Variants in IL1RAP observed in about 807,000 individuals in gnomAD.
The protein encoded by IL1RAP is interleukin-1 receptor accessory protein.
Under a neutral mutation model 60.7 loss-of-function variants are expected in IL1RAP, and 35 were observed. The ratio of observed to expected loss-of-function variants is 0.58; its 90% CI spans 0.44 to 0.76. The LOEUF (loss-of-function observed/expected upper bound fraction) is 0.76, where lower values mean the gene tolerates loss of function less well. Among genes scored for constraint, IL1RAP ranks in the 30% least tolerant of loss-of-function variants. The pLI, the probability that IL1RAP is intolerant of heterozygous loss-of-function variation, is 0.00. For synonymous variants in IL1RAP, 268 were observed against 250.9 expected (o/e 1.07, Z -0.64); for missense variants, 572 against 693.9 (o/e 0.82, Z 1.97).
intron 1 of IL1RAP, chr3:190,518,454 A>G (rs1054478249): frequency 6.6e-5 from 10 of 152,204 alleles, no homozygotes; most frequent in Admixed American, 5.2e-4. Context: ...TGTGCTGAGT[A>G]TCTTAAATAT....
At chr3:190,637,480 A>G (rs1269144735) in intron 9 of IL1RAP, among the ~76,000 whole-genome samples, 1 of 152,098 alleles carries the variant, frequency 6.6e-6, no homozygotes, top group Admixed American at 6.5e-5. Context: ...TCACATGTCT[A>G]TTCATTCTTC....
In IL1RAP at chr3:190,650,096, G is replaced by GTATGTA. The variant is rs1734307371; in HGVS notation, c.*1396_*1401dup. ...ATATATAATTTGTGTGTGTGTATGT[G>GTATGTA]TATGTATATGACTTTAAATAGCTAT... On this transcript the variant is annotated 3_prime_UTR_variant, in exon 12 of 12. Transcript: ENST00000447382. 8 of 875,192 alleles carry GTATGTA rather than the reference G, an allele frequency of 9.1e-6. No homozygotes were observed. The highest frequency in any genetic ancestry group is 1.1e-5 in the Non-Finnish European group (8 of 730,448). 54.2% of individuals were successfully genotyped at this position (875,192 alleles called of 1,614,324 possible). A position where few individuals can be genotyped will look rare whatever the true frequency, so the allele number is the denominator to read the frequency against.
intron 3 of IL1RAP, among the ~76,000 whole-genome samples, chr3:190,570,953 A>C (rs1400154857): frequency 6.6e-6 from 1 of 152,128 alleles, no homozygotes; most frequent in Non-Finnish European, 1.5e-5. Flanking sequence ...TTATGTAAGA[A>C]AATGTTATGG....
At chr3:190,648,059 G>T (rs1353465383) in intron 11 of IL1RAP, among the ~76,000 whole-genome samples, 2 of 152,096 alleles carry the variant, frequency 1.3e-5, no homozygotes, top group Non-Finnish European at 2.9e-5. Context: ...TGTTTTTGAA[G>T]ATCAAGGTCA....
At chr3:190,532,210 T>G (rs1479507595) in intron 1 of IL1RAP, among the ~76,000 whole-genome samples, 1 of 151,838 alleles carries the variant, frequency 6.6e-6, no homozygotes, top group Non-Finnish European at 1.5e-5. Context: ...CAAGTTGAAG[T>G]GCTTACTGTG....
chr3:190,623,276 A>G, intron 6 of IL1RAP, 68 bp from the exon 7 acceptor site: 1 of 1,195,658 alleles, frequency 8.4e-7, no homozygotes, highest in Non-Finnish European at 1.2e-6. Flanking sequence ...AGATTCAGAG[A>G]AGAGCAGAAT....
At chr3:190,654,403 C>T (rs542057304), downstream of IL1RAP, among the ~76,000 whole-genome samples, 1 of 152,288 alleles carries the variant, frequency 6.6e-6, no homozygotes, top group South Asian at 2.1e-4. Context: ...GTTGCTAAAA[C>T]ACATGCACAT....
At chr3:190,640,247 T>G (rs1733558455) in intron 9 of IL1RAP, among the ~76,000 whole-genome samples, 1 of 152,224 alleles carries the variant, frequency 6.6e-6, no homozygotes, top group South Asian at 2.1e-4. Context: ...ATCGTAGCAT[T>G]TACCTCTTTT....
intron 5 of IL1RAP, among the ~76,000 whole-genome samples, chr3:190,610,903 T>A (rs1198333284): frequency 2.0e-5 from 3 of 152,202 alleles, no homozygotes; most frequent in Non-Finnish European, 4.4e-5. Context: ...GTTTAAATCC[T>A]ATGAAGTCAG....
chr3:190,554,671 T>G (rs1725244128), intron 1 of IL1RAP: 1 of 152,236 alleles, frequency 6.6e-6, no homozygotes, highest in Non-Finnish European at 1.5e-5. Flanking sequence ...ATGATAATTT[T>G]CATCTCGGAT....
At chr3:190,553,684 G>A (rs1452894729) in intron 1 of IL1RAP, among the ~76,000 whole-genome samples, 1 of 152,178 alleles carries the variant, frequency 6.6e-6, no homozygotes, top group Admixed American at 6.5e-5. Context: ...GACTGAGGCC[G>A]TCTTTTCTGA....
intron 3 of IL1RAP, among the ~76,000 whole-genome samples, chr3:190,579,768 T>TAGTC (rs1387250424): frequency 2.6e-5 from 4 of 152,200 alleles, no homozygotes; most frequent in Non-Finnish European, 5.9e-5. Flanking sequence ...AGGCAACCAG[T>TAGTC]AGTCTACTTC....
rs374688707 is a variant in IL1RAP, at chr3:190,648,855, T to C, written c.*150T>C. ...AATTTAGGGTGACTGTGTGGCTGACTATTCTGCTTCCTCAGGCAACACTAA... is the reference window on the plus strand; with the variant it reads ...AATTTAGGGTGACTGTGTGGCTGACCATTCTGCTTCCTCAGGCAACACTAA... On this transcript the variant is annotated 3_prime_UTR_variant, in exon 12 of 12. Coordinates refer to ENST00000447382, the MANE Select transcript of IL1RAP (RefSeq NM_002182.4). 4.2e-6 allele frequency: 6 copies of C among 1,422,538 alleles called. No homozygotes were observed. In the East Asian group the frequency reaches 1.3e-4, roughly 30 times the overall value. The allele number at this position is 1,422,538 out of a possible 1,614,324, so 88.1% of individuals were successfully genotyped here.
At chr3:190,559,267 T>A (rs1725684464) in intron 2 of IL1RAP, among the ~76,000 whole-genome samples, 1 of 152,200 alleles carries the variant, frequency 6.6e-6, no homozygotes, top group African/African-American at 2.4e-5. Context: ...TGATAGTACC[T>A]TTTTTCCTTA....
intron 6 of IL1RAP, among the ~76,000 whole-genome samples, chr3:190,622,814 A>G (rs1286194030): frequency 6.6e-6 from 1 of 152,152 alleles, no homozygotes; most frequent in Non-Finnish European, 1.5e-5. Context: ...TCCGTCACAC[A>G]GGCATTATTG....
chr3:190,605,723 C>G (rs1232825500), intron 4 of IL1RAP, among the ~76,000 whole-genome samples: 2 of 152,124 alleles, frequency 1.3e-5, no homozygotes, highest in African/African-American at 4.8e-5. Context: ...TTTACATGGT[C>G]TTCCTCTGTG....
At chr3:190,655,755 T>TGGTCGCCG, downstream of IL1RAP, 3 of 617,566 alleles carry the variant, frequency 4.9e-6, no homozygotes, top group South Asian at 2.7e-5. Flanking sequence ...TTTGACTGGG[T>TGGTCGCCG]AAATTATTCA....
chr3:190,604,279 G>A lies in IL1RAP; in HGVS notation c.216G>A (p.Trp72Ter). 6.2e-7 allele frequency: 1 copy of A among 1,613,908 alleles called. No homozygotes were observed. Among genetic ancestry groups the A allele is most frequent in the South Asian group, 1.1e-5 (1 of 91,052 alleles). ...HSAGLTLIWY[W>*]TRQDRDLEEP... ...CTGGCCTTACTCTGATCTGGTATTGGACTAGGCAGGACCGGGACCTTGAGG... is the reference window on the plus strand; with the variant it reads ...CTGGCCTTACTCTGATCTGGTATTGAACTAGGCAGGACCGGGACCTTGAGG... Residue 72 changes from tryptophan (W) to a stop codon, truncating the protein, a stop_gained, in exon 4 of 12, where the codon TGG becomes TGA. Coordinates refer to ENST00000447382, the MANE Select transcript of IL1RAP (RefSeq NM_002182.4). LOFTEE classifies it high-confidence loss of function.
chr3:190,522,947 G>A (rs997540733), intron 1 of IL1RAP, among the ~76,000 whole-genome samples: 4 of 152,112 alleles, frequency 2.6e-5, no homozygotes, highest in African/African-American at 4.8e-5. Context: ...CTCCCTCAGT[G>A]TAAACCTAAG....
Sources: gnomAD v4.1 joint callset for allele counts (sites outside exome capture counted in the v4.1 genomes callset) on GRCh38, gnomAD v4.1.1 for gene constraint, MANE v1.5 for transcripts, NCBI Gene and HGNC (gene_info 2026-07-23, HGNC 2026-07-21) for gene names.